GULP1: variants seen among roughly 807,000 people sequenced by gnomAD.
GULP1 encodes GULP PTB domain containing engulfment adaptor 1.
A neutral mutation model predicts 40.9 loss-of-function variants in GULP1; 19 were observed. The ratio of observed to expected loss-of-function variants is 0.46; its 90% CI spans 0.32 to 0.68. GULP1 has a LOEUF of 0.68. Ranked by LOEUF, GULP1 falls within the 30% of genes least tolerant of loss-of-function variation. The probability of loss-of-function intolerance (pLI) is 0.03; values close to 1 mark genes in which losing one functional copy is unlikely to be tolerated. For missense variants in GULP1, 312 were observed against 362.2 expected, an observed-to-expected ratio of 0.86 and a Z score of 1.12; for synonymous variants, 119 against 117.6, an observed-to-expected ratio of 1.01 and a Z score of -0.08.
intron 7 of GULP1, among the ~76,000 whole-genome samples, chr2:188,564,456 AAAG>A (rs1697146192): frequency 6.6e-6 from 1 of 151,930 alleles, no homozygotes; most frequent in Non-Finnish European, 1.5e-5. Flanking sequence ...TAGCAAAAAG[AAAG>A]AAAGAAAAAT....
chr2:188,572,763 G>T (rs763907715), intron 9 of GULP1, among the ~76,000 whole-genome samples: 1 of 152,124 alleles, frequency 6.6e-6, no homozygotes. Context: ...TGCACAGAAA[G>T]ACAAATATCA....
chr2:188,362,426 A>C (rs2046219967), intron 1 of GULP1, among the ~76,000 whole-genome samples: 1 of 152,072 alleles, frequency 6.6e-6, no homozygotes, highest in African/African-American at 2.4e-5. Context: ...TATATTACTG[A>C]CTTTTATTTC....
intron 6 of GULP1, among the ~76,000 whole-genome samples, chr2:188,536,308 G>A (rs1011753665): frequency 2.0e-5 from 3 of 152,016 alleles, no homozygotes; most frequent in African/African-American, 4.8e-5. Flanking sequence ...TTTCTTCTAG[G>A]ATTTTTATAG....
chr2:188,487,265 G>T (rs1575555271), intron 4 of GULP1, among the ~76,000 whole-genome samples: 1 of 152,020 alleles, frequency 6.6e-6, no homozygotes, highest in Admixed American at 6.6e-5. Flanking sequence ...ATTCTAAAAT[G>T]TATAATTATC....
At chr2:188,388,948 T>C (rs763456102) in intron 2 of GULP1, among the ~76,000 whole-genome samples, 88 of 152,340 alleles carry the variant, frequency 5.8e-4, no homozygotes, top group Non-Finnish European at 3.7e-4. Flanking sequence ...CAAGAGGCAA[T>C]GTTTCTAAAT....
At chr2:188,440,453 T>C (rs1030310903) in intron 2 of GULP1, among the ~76,000 whole-genome samples, 1 of 152,238 alleles carries the variant, frequency 6.6e-6, no homozygotes, top group African/African-American at 2.4e-5. Context: ...AAAAGTTTGT[T>C]TTGATATTGT....
At chr2:188,366,795 G>A (rs537041709) in intron 1 of GULP1, among the ~76,000 whole-genome samples, 16 of 151,994 alleles carry the variant, frequency 1.1e-4, no homozygotes, top group Non-Finnish European at 1.6e-4. Context: ...GGGTTTCACC[G>A]TGTTAGCCAG....
chr2:188,375,512 C>T (rs2048182529), intron 1 of GULP1, among the ~76,000 whole-genome samples: 1 of 152,146 alleles, frequency 6.6e-6, no homozygotes, highest in African/African-American at 2.4e-5. Flanking sequence ...TTCCTTCATT[C>T]CAGCAGCTTC....
intron 4 of GULP1, among the ~76,000 whole-genome samples, chr2:188,519,040 A>AT (rs1157892496): frequency 6.6e-6 from 1 of 152,102 alleles, no homozygotes; most frequent in African/African-American, 2.4e-5. Context: ...ATATATCATG[A>AT]TTTTTTGTAA....
intron 6 of GULP1, among the ~76,000 whole-genome samples, chr2:188,538,668 G>A (rs937663608): frequency 5.3e-5 from 8 of 150,124 alleles, no homozygotes; most frequent in South Asian, 4.2e-4. Context: ...TGCTGATTGC[G>A]GTATGTGTGT....
chr2:188,349,866 T>C (rs189865804), intron 1 of GULP1, among the ~76,000 whole-genome samples: 1 of 152,306 alleles, frequency 6.6e-6, no homozygotes, highest in African/African-American at 2.4e-5. Context: ...CTATAAACTA[T>C]TGTCAGTGAA....
chr2:188,440,487 C>T (rs572187506), intron 2 of GULP1, among the ~76,000 whole-genome samples: 1 of 152,242 alleles, frequency 6.6e-6, no homozygotes, highest in Admixed American at 6.5e-5. Context: ...TGAAATAACT[C>T]CTGTCTTCAA....
At chr2:188,318,201 A>G (rs1380944700) in intron 1 of GULP1, among the ~76,000 whole-genome samples, 3 of 152,182 alleles carry the variant, frequency 2.0e-5, no homozygotes, top group African/African-American at 7.2e-5. Context: ...GAAAATGCAA[A>G]GCATTTTTTT....
intron 1 of GULP1, among the ~76,000 whole-genome samples, chr2:188,354,930 A>G (rs1322778097): frequency 6.6e-6 from 1 of 152,192 alleles, no homozygotes; most frequent in Non-Finnish European, 1.5e-5. Context: ...ATTTGACAAC[A>G]TGCTACTGAA....
At chr2:188,368,869 A>G (rs1015960985) in intron 1 of GULP1, among the ~76,000 whole-genome samples, 3 of 137,746 alleles carry the variant, frequency 2.2e-5, no homozygotes, top group African/African-American at 8.0e-5. Context: ...TTTTCTTTTC[A>G]TTGGGTTAGT....
chr2:188,332,440 G>A (rs1251631971), intron 1 of GULP1, among the ~76,000 whole-genome samples: 1 of 151,988 alleles, frequency 6.6e-6, no homozygotes. Context: ...CACCTGCCTT[G>A]GGCTCTGAAA....
At chr2:188,518,196 G>A (rs1396390564) in intron 4 of GULP1, among the ~76,000 whole-genome samples, 3 of 151,972 alleles carry the variant, frequency 2.0e-5, no homozygotes, top group Non-Finnish European at 4.4e-5. Flanking sequence ...AAATCCCAAG[G>A]CAAAAGATTT....
chr2:188,479,738 T>G (rs959120473), intron 3 of GULP1, among the ~76,000 whole-genome samples: 1 of 152,140 alleles, frequency 6.6e-6, no homozygotes, highest in Admixed American at 6.6e-5. Context: ...ACATCTGTAA[T>G]TTACTGTTTA....
chr2:188,507,119 G>A (rs1363485476), intron 4 of GULP1, among the ~76,000 whole-genome samples: 1 of 151,902 alleles, frequency 6.6e-6, no homozygotes, highest in South Asian at 2.1e-4. Context: ...GACAGATGGG[G>A]TTCTAGTAAC....
Sources: allele counts gnomAD v4.1 joint callset (sites outside exome capture counted in the v4.1 genomes callset), GRCh38; gene constraint gnomAD v4.1.1; transcripts MANE v1.5; gene names NCBI Gene and HGNC (gene_info 2026-07-23, HGNC 2026-07-21).